The following ANKRD6 variants were observed in gnomAD, a reference collection of about 807,000 sequenced individuals.
ANKRD6 encodes the protein ankyrin repeat domain-containing protein 6.
ANKRD6 carries 56 observed loss-of-function variants against 82.3 expected under a neutral mutation model. That is an observed-to-expected ratio of 0.68 (90% CI 0.55 to 0.85). The LOEUF is 0.85. Among genes scored for constraint, ANKRD6 ranks in the 40% least tolerant of loss-of-function variants. The probability of loss-of-function intolerance (pLI) is 0.00; values close to 1 mark genes in which losing one functional copy is unlikely to be tolerated. For synonymous variants in ANKRD6, 347 were observed against 352.1 expected, an observed-to-expected ratio of 0.99 and a Z score of 0.16; for missense variants, 852 against 907.6, an observed-to-expected ratio of 0.94 and a Z score of 0.79.
chr6:89,464,318 GAATT>G (rs1237436286), intron 1 of ANKRD6, among the ~76,000 whole-genome samples: 23 of 152,032 alleles, frequency 1.5e-4, no homozygotes, highest in Admixed American at 1.5e-3. Context: ...GAAAAAAAAA[GAATT>G]AACAGATGGT....
intron 10 of ANKRD6, among the ~76,000 whole-genome samples, chr6:89,622,313 C>T (rs371746147): frequency 1.4e-3 from 209 of 152,320 alleles, no homozygotes; most frequent in African/African-American, 4.6e-3. Context: ...CCATGTCCTG[C>T]GGGTAGCACT....
chr6:89,474,323 A>T (rs931356888), intron 1 of ANKRD6, among the ~76,000 whole-genome samples: 1 of 152,166 alleles, frequency 6.6e-6, no homozygotes, highest in Non-Finnish European at 1.5e-5. Context: ...ACATCTCTGT[A>T]GCTGTCATTA....
intron 9 of ANKRD6, chr6:89,621,589 T>C (rs1803328050): frequency 3.7e-6 from 1 of 269,214 alleles, no homozygotes; most frequent in South Asian, 4.6e-5. Context: ...ATTCATATCC[T>C]AGTTTATGTG....
chr6:89,527,621 A>AAAAAAAAAAAAAAAAAAAAG (rs1554227725), intron 1 of ANKRD6, among the ~76,000 whole-genome samples: 3 of 148,654 alleles, frequency 2.0e-5, no homozygotes, highest in African/African-American at 7.7e-5. Context: ...AAAAAAAAAA[A>AAAAAAAAAAAAAAAAAAAAG]AAAAAGAAAA....
intron 4 of ANKRD6, 96 bp downstream of exon 4, chr6:89,603,223 G>A (rs961704018): frequency 1.0e-6 from 1 of 998,148 alleles, no homozygotes; most frequent in Admixed American, 2.4e-5. Context: ...TTGAGTCCTC[G>A]AGGTATTATA....
intron 1 of ANKRD6, among the ~76,000 whole-genome samples, chr6:89,545,480 T>C (rs1784979582): frequency 2.0e-5 from 3 of 152,184 alleles, no homozygotes; most frequent in Admixed American, 6.5e-5. Context: ...GTAGCTGAGA[T>C]AGTGCAGCTG....
At chr6:89,510,498 T>TCCG (rs2127936531) in intron 1 of ANKRD6, among the ~76,000 whole-genome samples, 1 of 152,310 alleles carries the variant, frequency 6.6e-6, no homozygotes, top group South Asian at 2.1e-4. Context: ...TTCTGTTTTT[T>TCCG]GGTCCTTATT....
At position 89,629,151 on chromosome 6, in the gene ANKRD6, A is replaced by G; in HGVS notation, c.1525A>G (p.Lys509Glu). 1 of 1,613,782 alleles carries G rather than the reference A, an allele frequency of 6.2e-7. No homozygotes were observed. Among genetic ancestry groups the G allele is most frequent in the Non-Finnish European group, 8.5e-7 (1 of 1,179,836 alleles). ...VDELKTWCMLKIQNLEQKLSG... is the reference protein window; with the variant it reads ...VDELKTWCMLEIQNLEQKLSG... ...TGAATTAAAAACCTGGTGCATGTTA[A>G]AGATTCAGAATCTGGAGCAGAAGCT... is the stretch of plus-strand genomic sequence containing the variant. The change falls in exon 15 of 16, where the codon AAG (lysine) becomes GAG (glutamate). Residue 509 changes from lysine to glutamate, a missense_variant. Coordinates refer to ENST00000339746, the MANE Select transcript of ANKRD6 (RefSeq NM_001242809.2).
chr6:89,516,236 A>G (rs1781194808), intron 1 of ANKRD6, among the ~76,000 whole-genome samples: 1 of 152,210 alleles, frequency 6.6e-6, no homozygotes. Context: ...GATGGGGATC[A>G]TTCAACCCCT....
chr6:89,629,015 G>A, intron 14 of ANKRD6, 97 bp from the exon 15 acceptor site: 2 of 1,362,408 alleles, frequency 1.5e-6, no homozygotes, highest in South Asian at 2.8e-5. Context: ...TGTTATAATT[G>A]AAAAGTCCAT....
Position 89,444,899 on chromosome 6 carries a change from C to T in ANKRD6, c.-144+11524C>T, listed in dbSNP as rs546146405. ...AGGAGAGTTGCTTGAACCTGGGAGG[C>T]GGAGGTTACAGTGAGCCAAGATCAC... On this transcript the variant is annotated intron_variant, in intron 1 of 15. Transcript: ENST00000339746. Among the ~76,000 whole-genome samples, 10 of 151,730 alleles carry T rather than the reference C, an allele frequency of 6.6e-5. No homozygotes were observed. The South Asian group carries it at 1.5e-3, about 22-fold the overall frequency.
chr6:89,589,671 T>C (rs1254572500), intron 2 of ANKRD6, among the ~76,000 whole-genome samples: 1 of 152,254 alleles, frequency 6.6e-6, no homozygotes, highest in Non-Finnish European at 1.5e-5. Context: ...ATTTATTGCC[T>C]GCTGGAATGG....
chr6:89,619,114 T>G lies in ANKRD6; in HGVS notation c.792+1083T>G, dbSNP rs188189784. 1.5e-3 allele frequency among the ~76,000 whole-genome samples: 236 copies of G among 152,298 alleles called. 1 individual carries two copies. The highest frequency in any genetic ancestry group is 3.4e-3 in the Middle Eastern group (1 of 294). ...GGAAATGGTTAAGATTTTTGTCTTT[T>G]GCAAAATTGATCACCTTCTTGTGCA... On this transcript the variant is annotated intron_variant, in intron 9 of 15. Coordinates refer to ENST00000339746, the MANE Select transcript of ANKRD6 (RefSeq NM_001242809.2).
rs751932925 is a variant in ANKRD6, at chr6:89,603,018, T to C, written c.220-11T>C. 1 of 1,593,482 alleles carries C rather than the reference T, an allele frequency of 6.3e-7. No homozygotes were observed. Among genetic ancestry groups the C allele is most frequent in the South Asian group, 1.1e-5 (1 of 87,228 alleles). On this transcript the variant is annotated splice_polypyrimidine_tract_variant and intron_variant, in intron 3 of 15. Coordinates refer to ENST00000339746, the MANE Select transcript of ANKRD6 (RefSeq NM_001242809.2). ...GCTGACTGCTGTTCCTGCCTTTGTGTCACTTTGCAGGGGGACCAGACCGCC... is the reference window on the plus strand; with the variant it reads ...GCTGACTGCTGTTCCTGCCTTTGTGCCACTTTGCAGGGGGACCAGACCGCC...
At position 89,630,995 on chromosome 6, in the gene ANKRD6, G is replaced by C; in HGVS notation, c.2175G>C (p.Lys725Asn). ...CCAAACTAAGGACTAGGGTGCAGAA[G>C]GAAAATTAGCACCAATAAAGAGGAA... The part of the protein sequence containing the change: ...ELAKLRTRVQ[K>N]EN The change falls in exon 16 of 16, where the codon AAG (lysine) becomes AAC (asparagine). Residue 725 changes from lysine to asparagine, a missense_variant. Lys to Asn is a moderately conservative substitution (Grantham distance 94, BLOSUM62 0). Coordinates refer to ENST00000339746, the MANE Select transcript of ANKRD6 (RefSeq NM_001242809.2). 6.5e-7 allele frequency: 1 copy of C among 1,530,646 alleles called. No homozygotes were observed. The highest frequency in any genetic ancestry group is 8.8e-7 in the Non-Finnish European group (1 of 1,141,976). The allele number at this position is 1,530,646 out of a possible 1,614,324, so 94.8% of individuals were successfully genotyped here. A position where few individuals can be genotyped will look rare whatever the true frequency, so the allele number is the denominator to read the frequency against.
chr6:89,488,828 C>T (rs576121060), intron 1 of ANKRD6, among the ~76,000 whole-genome samples: 63 of 152,208 alleles, frequency 4.1e-4, no homozygotes, highest in African/African-American at 1.5e-3. Context: ...TAAACATACA[C>T]ACAAATGAAA....
At chr6:89,604,943 C>T (rs568990090) in intron 4 of ANKRD6, among the ~76,000 whole-genome samples, 5 of 152,194 alleles carry the variant, frequency 3.3e-5, no homozygotes, top group African/African-American at 4.8e-5. Flanking sequence ...GATTGCCCTG[C>T]ACCCTTCCTT....
chr6:89,575,153 T>C (rs1053232539), intron 2 of ANKRD6, among the ~76,000 whole-genome samples: 1 of 152,130 alleles, frequency 6.6e-6, no homozygotes, highest in South Asian at 2.1e-4. Flanking sequence ...TGGAATGGAG[T>C]GTTAAGACCT....
intron 1 of ANKRD6, among the ~76,000 whole-genome samples, chr6:89,545,069 A>T (rs191959260): frequency 6.6e-5 from 10 of 150,610 alleles, no homozygotes; most frequent in South Asian, 2.1e-4. Flanking sequence ...AAAAATTAGC[A>T]GGGCGTGGTG....
Sources: gnomAD v4.1 joint callset for allele counts (sites outside exome capture counted in the v4.1 genomes callset) on GRCh38, gnomAD v4.1.1 for gene constraint, MANE v1.5 for transcripts, NCBI Gene and HGNC (gene_info 2026-07-23, HGNC 2026-07-21) for gene names.